JAK1: variants seen among roughly 807,000 people sequenced by gnomAD.
JAK1 encodes tyrosine-protein kinase JAK1.
Under a neutral mutation model 136.6 loss-of-function variants are expected in JAK1, and 16 were observed. The observed-to-expected ratio is 0.12, with a 90% confidence interval of 0.08 to 0.18. The LOEUF (loss-of-function observed/expected upper bound fraction) is 0.18, where lower values mean the gene tolerates loss of function less well. Ranked by LOEUF, JAK1 falls within the 10% of genes least tolerant of loss-of-function variation. JAK1 has a pLI of 1.00. For synonymous variants in JAK1, 492 were observed against 519.5 expected (o/e 0.95, Z 0.72); for missense variants, 859 against 1,450.1 (o/e 0.59, Z 6.62).
chr1:64,844,636 A>G lies in JAK1; in HGVS notation c.2251+118T>C. On this transcript the variant is annotated intron_variant, in intron 16 of 24. Transcript: ENST00000342505. The surrounding 1 kb of genome is among the most constrained non-coding windows in gnomAD (Gnocchi z 5.7). ...GCCAACATGGTGAAACCCCGTCTCT[A>G]CTAAAATACAAAAAAAAAATGACTC... The G allele has an allele frequency of 1.7e-6, 2 of 1,198,620 alleles. No individual in the cohort carries two copies. The highest frequency in any genetic ancestry group is 2.4e-6 in the Non-Finnish European group (2 of 838,916). 74.2% of individuals were successfully genotyped at this position (1,198,620 alleles called of 1,614,324 possible).
intron 1 of JAK1, among the ~76,000 whole-genome samples, chr1:64,931,014 G>C (rs1325712896): frequency 1.3e-5 from 2 of 152,100 alleles, no homozygotes; most frequent in Non-Finnish European, 2.9e-5. Flanking sequence ...GGGGGACTAG[G>C]GGTGGGATGG....
chr1:64,949,458 T>C (rs936128661), intron 1 of JAK1, among the ~76,000 whole-genome samples: 1 of 152,182 alleles, frequency 6.6e-6, no homozygotes, highest in African/African-American at 2.4e-5. Context: ...AACCCAGTTG[T>C]ACAAAAATAA....
chr1:64,944,482 T>C (rs538211352), intron 1 of JAK1, among the ~76,000 whole-genome samples: 22 of 152,156 alleles, frequency 1.4e-4, no homozygotes, highest in Non-Finnish European at 2.9e-4. Flanking sequence ...TAGAAATGTA[T>C]TCTAAGCAAA....
intron 1 of JAK1, among the ~76,000 whole-genome samples, chr1:64,894,757 T>G (rs183457150): frequency 6.6e-6 from 1 of 152,002 alleles, no homozygotes; most frequent in East Asian, 1.9e-4. Context: ...AGCCTAGGTG[T>G]CAGAGCAAGA....
At chr1:65,050,998 C>T (rs186965475) in intron 1 of JAK1, among the ~76,000 whole-genome samples, 4 of 152,260 alleles carry the variant, frequency 2.6e-5, no homozygotes, top group Admixed American at 2.6e-4. Context: ...AATATTGACT[C>T]ATCTCAAGCA....
intron 2 of JAK1, among the ~76,000 whole-genome samples, chr1:64,977,200 A>C (rs1292776892): frequency 1.3e-5 from 2 of 151,926 alleles, no homozygotes; most frequent in Admixed American, 1.3e-4. Flanking sequence ...CCCAAGCTGG[A>C]GTGTAGTGGC....
chr1:65,027,057 G>A (rs1646984503), intron 2 of JAK1, among the ~76,000 whole-genome samples: 1 of 151,266 alleles, frequency 6.6e-6, no homozygotes, highest in Non-Finnish European at 1.5e-5. Flanking sequence ...GGGGTTTTTT[G>A]TTTTTTTTAG....
chr1:65,031,001 A>G (rs911027042), intron 2 of JAK1, among the ~76,000 whole-genome samples: 1 of 151,944 alleles, frequency 6.6e-6, no homozygotes, highest in Non-Finnish European at 1.5e-5. Context: ...AAAAAATACA[A>G]CAGCTAGCTG....
At position 64,866,860 on chromosome 1, in the gene JAK1, A is replaced by G. The variant is rs755382819; in HGVS notation, c.990+6T>C. 5 of 1,598,862 alleles carry G rather than the reference A, an allele frequency of 3.1e-6. No homozygotes were observed. The highest frequency in any genetic ancestry group is 1.1e-5 in the South Asian group (1 of 89,990). ...TCTCTTTGATCGACTGCCAACAGCCACTTACATTTGGTTTATGCCTCCACT... is the reference window on the plus strand; with the variant it reads ...TCTCTTTGATCGACTGCCAACAGCCGCTTACATTTGGTTTATGCCTCCACT... On this transcript the variant is annotated splice_donor_region_variant and intron_variant, in intron 7 of 24. Transcript: ENST00000342505.
chr1:64,855,566 G>C lies in JAK1; in HGVS notation c.1591C>G (p.Leu531Val), dbSNP rs1655874008. The C allele has an allele frequency of 6.2e-7, 1 of 1,614,086 alleles. No individual in the cohort carries two copies. Among genetic ancestry groups the C allele is most frequent in the Admixed American group, 1.7e-5 (1 of 60,006 alleles). ...ATGAAGCTGATGTTATCCGTGCGCAGGATCTGCTTCTTGAGGTGGCTCATG... is the reference window on the plus strand; with the variant it reads ...ATGAAGCTGATGTTATCCGTGCGCACGATCTGCTTCTTGAGGTGGCTCATG... ...DLMSHLKKQI[L>V]RTDNISFMLK... The change falls in exon 11 of 25, where the codon CTG (leucine) becomes GTG (valine). Residue 531 changes from leucine to valine, a missense_variant. Physicochemically the swap from Leu to Val is conservative, Grantham distance 32. Transcript: ENST00000342505.
chr1:65,040,525 A>T (rs1466051696), intron 2 of JAK1, among the ~76,000 whole-genome samples: 1 of 152,114 alleles, frequency 6.6e-6, no homozygotes, highest in Non-Finnish European at 1.5e-5. Context: ...CTGCAACCAG[A>T]ATTCCCTCTG....
intron 2 of JAK1, among the ~76,000 whole-genome samples, chr1:64,994,520 G>A (rs564528894): frequency 6.6e-6 from 1 of 152,194 alleles, no homozygotes; most frequent in South Asian, 2.1e-4. Context: ...AAAGTGGAAG[G>A]GCAAGACAGC....
At chr1:64,860,861 T>TGTGTGTGTGTGTGTGTG (rs58016723) in intron 8 of JAK1, among the ~76,000 whole-genome samples, 14 of 132,236 alleles carry the variant, frequency 1.1e-4, no homozygotes, top group Non-Finnish European at 2.2e-4. Flanking sequence ...TGTGTGTGTG[T>TGTGTGTGTGTGTGTGTG]TGGGGGTGAC....
intron 2 of JAK1, among the ~76,000 whole-genome samples, chr1:65,032,028 C>T (rs377210822): frequency 5.6e-4 from 84 of 149,746 alleles, no homozygotes; most frequent in East Asian, 4.3e-3. Context: ...TGCAGTGGCG[C>T]GATCTCAGCT....
intron 1 of JAK1, among the ~76,000 whole-genome samples, chr1:64,903,216 G>A (rs570637841): frequency 9.9e-5 from 15 of 152,258 alleles, no homozygotes; most frequent in African/African-American, 2.6e-4. Flanking sequence ...TAGTAGAGAC[G>A]GGGTTTCACC....
chr1:64,845,022 ATC>A lies in JAK1; in HGVS notation c.2116-135_2116-134del, dbSNP rs565844122. 7.6e-5 allele frequency: 93 copies of A among 1,226,278 alleles called. No individual in the cohort carries two copies. In the African/African-American group the frequency reaches 1.3e-3, roughly 17 times the overall value. The allele number at this position is 1,226,278 out of a possible 1,614,324, so 76.0% of individuals were successfully genotyped here. A position where few individuals can be genotyped will look rare whatever the true frequency, so the allele number is the denominator to read the frequency against. ...GGACAGCCTGGCCCTGCTGCCAATC[ATC>A]TGTGTGACTTAGGCACATCACAGGT... is the stretch of plus-strand genomic sequence containing the variant. On this transcript the variant is annotated intron_variant, in intron 15 of 24. Transcript: ENST00000342505.
intron 2 of JAK1, among the ~76,000 whole-genome samples, chr1:64,974,891 GTTTGT>G (rs1365382927): frequency 2.0e-5 from 3 of 151,770 alleles, no homozygotes; most frequent in Admixed American, 1.3e-4. Context: ...GTTTTTGTTT[GTTTGT>G]TTTGTTTTGT....
intron 2 of JAK1, among the ~76,000 whole-genome samples, chr1:65,008,699 C>T (rs1401415036): frequency 6.7e-6 from 1 of 150,152 alleles, no homozygotes; most frequent in Admixed American, 6.7e-5. Flanking sequence ...CCTTCTCCTT[C>T]TTTTTTATGA....
At chr1:64,969,105 T>A (rs112291366), upstream of JAK1, among the ~76,000 whole-genome samples, 403 of 151,554 alleles carry the variant, frequency 2.7e-3, 2 homozygotes, top group African/African-American at 8.7e-3. Context: ...GTGAGACCCC[T>A]TCTCTTAAAA....
Sources: allele counts gnomAD v4.1 joint callset (sites outside exome capture counted in the v4.1 genomes callset), GRCh38; gene constraint gnomAD v4.1.1; non-coding constraint Gnocchi (gnomAD v3.1); transcripts MANE v1.5; gene names NCBI Gene and HGNC (gene_info 2026-07-23, HGNC 2026-07-21).